The following USH2A variants were observed in gnomAD, a reference collection of about 807,000 sequenced individuals.
USH2A encodes the protein Usher syndrome 2A (autosomal recessive, mild).
A neutral mutation model predicts 538.9 loss-of-function variants in USH2A; 443 were observed. That is an observed-to-expected ratio of 0.82 (90% CI 0.76 to 0.89). The LOEUF is 0.89. Ranked by LOEUF, USH2A falls within the 40% of genes least tolerant of loss-of-function variation. USH2A has a pLI of 0.00. For missense variants in USH2A, 6,633 were observed against 6,324.8 expected (o/e 1.05, Z -1.65); for synonymous variants, 2,413 against 2,273.5 (o/e 1.06, Z -1.75).
At chr1:215,965,109 C>T (rs963851949) in intron 37 of USH2A, among the ~76,000 whole-genome samples, 1 of 152,078 alleles carries the variant, frequency 6.6e-6, no homozygotes, top group Non-Finnish European at 1.5e-5. Context: ...CATTTCTAAG[C>T]GTTCATCAGA....
intron 21 of USH2A, among the ~76,000 whole-genome samples, chr1:216,098,376 C>G (rs1366411242): frequency 6.6e-6 from 1 of 152,172 alleles, no homozygotes; most frequent in Admixed American, 6.5e-5. Flanking sequence ...AATAACATCT[C>G]AAGAACACAA....
At chr1:216,290,623 G>A (rs1341604677) in intron 10 of USH2A, among the ~76,000 whole-genome samples, 1 of 152,146 alleles carries the variant, frequency 6.6e-6, no homozygotes, top group African/African-American at 2.4e-5. Context: ...ACTAACATGT[G>A]TAAGTGATTC....
chr1:215,632,537 GA>G (rs1208183345), intron 70 of USH2A, among the ~76,000 whole-genome samples: 1 of 152,318 alleles, frequency 6.6e-6, no homozygotes, highest in East Asian at 1.9e-4. Flanking sequence ...AAGGACAGGA[GA>G]AAGTATCACT....
At chr1:216,256,991 C>A (rs2036272683) in intron 11 of USH2A, among the ~76,000 whole-genome samples, 1 of 151,850 alleles carries the variant, frequency 6.6e-6, no homozygotes, top group African/African-American at 2.4e-5. Flanking sequence ...TACTGCCAAA[C>A]ATTTTACTTA....
chr1:215,918,481 C>T (rs761164062), intron 38 of USH2A, among the ~76,000 whole-genome samples: 3 of 152,094 alleles, frequency 2.0e-5, no homozygotes, highest in African/African-American at 4.8e-5. Flanking sequence ...GAAGAGCCTT[C>T]ACTAGACACT....
intron 16 of USH2A, among the ~76,000 whole-genome samples, chr1:216,205,844 C>T (rs537593361): frequency 8.5e-5 from 13 of 152,220 alleles, no homozygotes; most frequent in African/African-American, 2.9e-4. Flanking sequence ...GTAAAAATTC[C>T]TATTTTTTTC....
chr1:215,777,448 G>A (rs1314574665), intron 55 of USH2A, among the ~76,000 whole-genome samples: 1 of 152,218 alleles, frequency 6.6e-6, no homozygotes, highest in Non-Finnish European at 1.5e-5. Context: ...TAAGTTGATA[G>A]ATACTACAAG....
Position 215,634,517 on chromosome 1 carries a change from A to G in USH2A, c.15239T>C (p.Val5080Ala), listed in dbSNP as rs1264414423. ...EPYIRERPPLVPLQKRMSPLN... is the reference protein window; with the variant it reads ...EPYIRERPPLAPLQKRMSPLN... Reference sequence around the variant, plus strand: ...TGGAGACATCCTCTTCTGAAGAGGTACCAAGGGAGGTCTTTCTCTGATATA... The same window carrying G: ...TGGAGACATCCTCTTCTGAAGAGGTGCCAAGGGAGGTCTTTCTCTGATATA... Residue 5080 changes from valine to alanine, a missense_variant, in exon 70 of 72, where the codon GTA (valine) becomes GCA (alanine). Physicochemically the swap from Val to Ala is moderately conservative, Grantham distance 64. Transcript: ENST00000307340. 2.5e-6 allele frequency: 4 copies of G among 1,614,242 alleles called. No individual in the cohort carries two copies. The highest frequency in any genetic ancestry group is 1.7e-5 in the Admixed American group (1 of 60,028).
rs552409653 is a variant in USH2A, at chr1:216,140,731, A to T, written c.4627+34521T>A. Among the ~76,000 whole-genome samples the T allele has an allele frequency of 7.9e-5, 12 of 152,298 alleles. 1 individual carries two copies. In the East Asian group the frequency reaches 1.9e-3, roughly 25 times the overall value. Reference sequence around the variant, plus strand: ...CTGTCCAGCTCAGGGGCCTGAAGGGATGTGGCACAAAACAGGTACATTTTC... The same window carrying T: ...CTGTCCAGCTCAGGGGCCTGAAGGGTTGTGGCACAAAACAGGTACATTTTC... On this transcript the variant is annotated intron_variant, in intron 21 of 71. Transcript: ENST00000307340.
At chr1:215,670,184 C>A (rs1192843556) in intron 64 of USH2A, among the ~76,000 whole-genome samples, 1 of 152,178 alleles carries the variant, frequency 6.6e-6, no homozygotes, top group Non-Finnish European at 1.5e-5. Flanking sequence ...TTTTAAAATT[C>A]TGAGTCACTC....
chr1:215,747,591 T>C (rs1446001274), intron 58 of USH2A, among the ~76,000 whole-genome samples: 5 of 152,148 alleles, frequency 3.3e-5, no homozygotes, highest in African/African-American at 9.7e-5. Context: ...TAAAAAGTAA[T>C]ATAATCAGGT....
Position 216,323,696 on chromosome 1 carries a change from C to T in USH2A, c.1329-1G>A, listed in dbSNP as rs1487578481. The T allele has an allele frequency of 6.2e-7, 1 of 1,613,096 alleles. No individual in the cohort carries two copies. The highest frequency in any genetic ancestry group is 1.7e-5 in the Admixed American group (1 of 59,940). The stretch of plus-strand genomic sequence containing the variant: ...ATTGCCACGGGAATATGGAGTAAAA[C>T]TGTTAATGAAAGAAATTCGATGTCA... On this transcript the variant is annotated splice_acceptor_variant, in intron 7 of 71. Coordinates refer to ENST00000307340, the MANE Select transcript of USH2A (RefSeq NM_206933.4). LOFTEE classifies it high-confidence loss of function.
At chr1:215,875,288 T>C (rs1176517212) in intron 43 of USH2A, among the ~76,000 whole-genome samples, 1 of 133,326 alleles carries the variant, frequency 7.5e-6, no homozygotes, top group Non-Finnish European at 1.7e-5. Context: ...GAAGAAATGC[T>C]TTTTTTTTTT....
chr1:216,179,293 T>C (rs1224823963), intron 20 of USH2A, among the ~76,000 whole-genome samples: 1 of 151,896 alleles, frequency 6.6e-6, no homozygotes, highest in African/African-American at 2.4e-5. Flanking sequence ...TTATTGAAAA[T>C]TAGAGCACAC....
At chr1:216,089,440 G>C (rs937689004) in intron 22 of USH2A, among the ~76,000 whole-genome samples, 2 of 151,930 alleles carry the variant, frequency 1.3e-5, no homozygotes, top group South Asian at 4.1e-4. Flanking sequence ...CATCAGAAGG[G>C]TAAAGAATTT....
chr1:216,128,600 A>G (rs2033305404), intron 21 of USH2A, among the ~76,000 whole-genome samples: 1 of 152,052 alleles, frequency 6.6e-6, no homozygotes, highest in Admixed American at 6.6e-5. Context: ...CTTAAATTGT[A>G]AAATTTTTAA....
rs1663511819 is a variant in USH2A at position 215,836,502 on chromosome 1, TA to T, written c.9371+1488del. ...TATAATATATATTATATATATAATA[TA>T]TATTATATATATATAATATATATTA... On this transcript the variant is annotated intron_variant, in intron 47 of 71. Coordinates refer to ENST00000307340, the MANE Select transcript of USH2A (RefSeq NM_206933.4). Among the ~76,000 whole-genome samples the T allele has an allele frequency of 7.2e-4, 14 of 19,552 alleles. 1 individual carries two copies. Among genetic ancestry groups the T allele is most frequent in the Non-Finnish European group, 9.9e-4 (12 of 12,064 alleles). 12.8% of individuals were successfully genotyped at this position (19,552 alleles called of 152,430 possible).
At chr1:215,695,053 C>T (rs1658757441) in intron 61 of USH2A, among the ~76,000 whole-genome samples, 1 of 152,162 alleles carries the variant, frequency 6.6e-6, no homozygotes, top group African/African-American at 2.4e-5. Context: ...TTATAATTTA[C>T]CAAATATTCA....
intron 16 of USH2A, among the ~76,000 whole-genome samples, chr1:216,204,878 ATGCCAGAAG>A (rs2035078176): frequency 6.6e-6 from 1 of 152,200 alleles, no homozygotes; most frequent in South Asian, 2.1e-4. Flanking sequence ...TTGTCAAGAA[ATGCCAGAAG>A]TGGCATTTTT....
Sources: gnomAD v4.1 joint callset for allele counts (sites outside exome capture counted in the v4.1 genomes callset) on GRCh38, gnomAD v4.1.1 for gene constraint, MANE v1.5 for transcripts, NCBI Gene and HGNC (gene_info 2026-07-23, HGNC 2026-07-21) for gene names.